Variants in DNM3 observed in about 807,000 individuals in gnomAD.
The protein encoded by DNM3 is dynamin 3, also known as dynamin-3.
DNM3 carries 47 observed loss-of-function variants against 101.6 expected under a neutral mutation model. The observed-to-expected ratio is 0.46, with a 90% CI of 0.37 to 0.59. The LOEUF is 0.59. Among genes scored for constraint, DNM3 ranks in the 20% least tolerant of loss-of-function variants. The pLI, the probability that DNM3 is intolerant of heterozygous loss-of-function variation, is 0.00. For synonymous variants in DNM3, 385 were observed against 387.9 expected, an observed-to-expected ratio of 0.99 and a Z score of 0.09; for missense variants, 849 against 1,085.7, an observed-to-expected ratio of 0.78 and a Z score of 3.06.
intron 11 of DNM3, among the ~76,000 whole-genome samples, chr1:172,075,417 G>A (rs2052571138): frequency 6.6e-6 from 1 of 152,142 alleles, no homozygotes; most frequent in Non-Finnish European, 1.5e-5. Context: ...TATTGCCTAG[G>A]TTTCCTTCTA....
chr1:172,378,896 A>G, intron 17 of DNM3, 122 bp from the exon 18 acceptor site: 1 of 1,108,348 alleles, frequency 9.0e-7, no homozygotes, highest in Non-Finnish European at 1.2e-6. Context: ...TAAAAATGTT[A>G]CCATCTACTG....
At chr1:171,926,767 A>G (rs1022108563) in intron 2 of DNM3, among the ~76,000 whole-genome samples, 2 of 152,228 alleles carry the variant, frequency 1.3e-5, no homozygotes, top group African/African-American at 4.8e-5. Flanking sequence ...TTGGTTTAAC[A>G]TCTGAAAATC....
intron 14 of DNM3, among the ~76,000 whole-genome samples, chr1:172,214,263 A>G (rs1355082333): frequency 6.6e-6 from 1 of 152,102 alleles, no homozygotes; most frequent in Non-Finnish European, 1.5e-5. Context: ...GCTGGGCAAT[A>G]TATTGTCCTA....
intron 15 of DNM3, among the ~76,000 whole-genome samples, chr1:172,272,242 A>G (rs1220856035): frequency 1.3e-5 from 2 of 152,152 alleles, no homozygotes; most frequent in African/African-American, 4.8e-5. Context: ...TTTAATCTCT[A>G]GAAAATATTC....
chr1:172,372,041 A>C (rs1406615331), intron 17 of DNM3, among the ~76,000 whole-genome samples: 4 of 142,978 alleles, frequency 2.8e-5, no homozygotes, highest in African/African-American at 1.0e-4. Context: ...CATTAGGTAT[A>C]TCTCCCAATG....
chr1:172,335,367 T>C (rs909883737), intron 17 of DNM3, among the ~76,000 whole-genome samples: 1 of 152,192 alleles, frequency 6.6e-6, no homozygotes, highest in Non-Finnish European at 1.5e-5. Context: ...TTATGAAAGC[T>C]ATTAAAAATT....
At chr1:171,993,364 T>G (rs1256440981) in intron 4 of DNM3, among the ~76,000 whole-genome samples, 2 of 152,050 alleles carry the variant, frequency 1.3e-5, no homozygotes, top group African/African-American at 4.8e-5. Flanking sequence ...AATTTTTACT[T>G]AAAGTTTTTT....
rs150116914 is a variant in DNM3 at position 172,194,261 on chromosome 1, G to A, written c.1660-59312G>A. Among the ~76,000 whole-genome samples, 357 of 152,284 alleles carry A rather than the reference G, an allele frequency of 2.3e-3. 5 individuals are homozygous for A. The highest frequency in any genetic ancestry group is 0.018 in the Admixed American group (282 of 15,288). On this transcript the variant is annotated intron_variant, in intron 14 of 20. Transcript: ENST00000627582. ...TAAAGTCTGTTGTTTTACATTTGCT[G>A]AGGAGTGCTTTACTTCCAACTATGT...
At chr1:172,337,182 T>C (rs2066471017) in intron 17 of DNM3, among the ~76,000 whole-genome samples, 1 of 152,222 alleles carries the variant, frequency 6.6e-6, no homozygotes, top group African/African-American at 2.4e-5. Context: ...AATAAGGCCC[T>C]GATAGGCATC....
intron 2 of DNM3, among the ~76,000 whole-genome samples, chr1:171,931,792 C>A (rs1457948491): frequency 6.6e-6 from 1 of 151,976 alleles, no homozygotes; most frequent in African/African-American, 2.4e-5. Context: ...GGGCTGTAGT[C>A]CTCTCCCATT....
At chr1:172,205,455 C>A (rs1000490203) in intron 14 of DNM3, among the ~76,000 whole-genome samples, 2 of 151,578 alleles carry the variant, frequency 1.3e-5, no homozygotes, top group Admixed American at 6.6e-5. Flanking sequence ...TTTATCAACA[C>A]GAAACATACC....
At position 172,190,696 on chromosome 1, in the gene DNM3, A is replaced by G. The variant is rs558983477; in HGVS notation, c.1659+59408A>G. Among the ~76,000 whole-genome samples the G allele has an allele frequency of 9.2e-5, 14 of 152,182 alleles. No individual in the cohort carries two copies. The East Asian group carries it at 2.5e-3, about 27-fold the overall frequency. On this transcript the variant is annotated intron_variant, in intron 14 of 20. Transcript: ENST00000627582. ...GCACCTGTTGTTTCCTGACTTTTTA[A>G]TGATTGCCATTCTAACTGGTGTGAG...
intron 15 of DNM3, among the ~76,000 whole-genome samples, chr1:172,260,406 A>C (rs1010974955): frequency 6.6e-6 from 1 of 152,124 alleles, no homozygotes; most frequent in East Asian, 1.9e-4. Context: ...TTTATTAAAT[A>C]GGTTTTCTAA....
At chr1:172,322,930 A>C (rs1471763666) in intron 16 of DNM3, among the ~76,000 whole-genome samples, 1 of 152,028 alleles carries the variant, frequency 6.6e-6, no homozygotes, top group Non-Finnish European at 1.5e-5. Flanking sequence ...AGGAGCTGTC[A>C]GGAAAGGGCA....
At chr1:171,844,953 C>T (rs540406265) in intron 1 of DNM3, among the ~76,000 whole-genome samples, 2 of 152,240 alleles carry the variant, frequency 1.3e-5, no homozygotes, top group South Asian at 2.1e-4. Flanking sequence ...AGGTACTATT[C>T]TGGGTGCTTT....
chr1:171,979,941 G>T (rs2044662933), intron 2 of DNM3, among the ~76,000 whole-genome samples: 1 of 151,996 alleles, frequency 6.6e-6, no homozygotes, highest in South Asian at 2.1e-4. Context: ...TTCCTACTTT[G>T]CCTTGAGAGT....
Position 172,225,269 on chromosome 1 carries a change from G to A in DNM3, c.1660-28304G>A, listed in dbSNP as rs1397826222. On this transcript the variant is annotated intron_variant, in intron 14 of 20. Coordinates refer to ENST00000627582, the MANE Select transcript of DNM3 (RefSeq NM_015569.5). Reference sequence around the variant, plus strand: ...TTCTCCCTTCTCAGCCTCCCGAGTAGCTGGGATTACAGGCGCACCACCACG... The same window carrying A: ...TTCTCCCTTCTCAGCCTCCCGAGTAACTGGGATTACAGGCGCACCACCACG... Among the ~76,000 whole-genome samples the A allele has an allele frequency of 5.4e-5, 8 of 149,282 alleles. No individual in the cohort carries two copies. The East Asian group carries it at 1.2e-3, about 22-fold the overall frequency.
At chr1:172,083,828 G>A (rs1382022288) in intron 12 of DNM3, among the ~76,000 whole-genome samples, 1 of 152,042 alleles carries the variant, frequency 6.6e-6, no homozygotes. Context: ...AAGGGCAGGT[G>A]ATTTTTCAAA....
chr1:172,291,274 G>A (rs777107505), intron 15 of DNM3, among the ~76,000 whole-genome samples: 9 of 102,682 alleles, frequency 8.8e-5, no homozygotes, highest in East Asian at 6.8e-4. Flanking sequence ...ATACATGTGC[G>A]TGTGTACACG....
Sources: gnomAD v4.1 joint callset for allele counts (sites outside exome capture counted in the v4.1 genomes callset) on GRCh38, gnomAD v4.1.1 for gene constraint, MANE v1.5 for transcripts, NCBI Gene and HGNC (gene_info 2026-07-23, HGNC 2026-07-21) for gene names.